WWOX: variants seen among roughly 807,000 people sequenced by gnomAD.
The protein encoded by WWOX is WW domain-containing oxidoreductase.
WWOX carries 69 observed loss-of-function variants against 46.2 expected under a neutral mutation model. The observed-to-expected ratio is 1.49, with a 90% confidence interval of 1.23 to 1.82. The LOEUF is 1.82. Among genes scored for constraint, WWOX ranks in the 40% most tolerant of loss-of-function variants. The pLI, the probability that WWOX is intolerant of heterozygous loss-of-function variation, is 0.00. For synonymous variants in WWOX, 359 were observed against 202.6 expected (o/e 1.77, Z -6.56); for missense variants, 919 against 542.6 (o/e 1.69, Z -6.89).
chr16:79,212,094 A>T lies in WWOX; in HGVS notation c.*298A>T. On this transcript the variant is annotated 3_prime_UTR_variant, in exon 9 of 9. Coordinates refer to ENST00000566780, the MANE Select transcript of WWOX (RefSeq NM_016373.4). ...AGGTTCCGTATCTCCCTGGAGAAGC[A>T]CCAGCAATTCTCTTTCTTTTACTGT... 6.5e-7 allele frequency: 1 copy of T among 1,536,120 alleles called. No individual in the cohort carries two copies. Among genetic ancestry groups the T allele is most frequent in the Non-Finnish European group, 8.7e-7 (1 of 1,146,828 alleles).
At chr16:79,002,965 A>G (rs1247969982) in intron 8 of WWOX, among the ~76,000 whole-genome samples, 1 of 152,220 alleles carries the variant, frequency 6.6e-6, no homozygotes, top group Non-Finnish European at 1.5e-5. Flanking sequence ...AAGAAAAATG[A>G]TATCGCTCAG....
intron 3 of WWOX, among the ~76,000 whole-genome samples, chr16:78,113,289 G>C (rs1327160358): frequency 2.6e-5 from 4 of 152,222 alleles, no homozygotes; most frequent in African/African-American, 9.7e-5. Context: ...CCTAGCTTGA[G>C]AGCCTCCCGT....
chr16:79,112,699 T>C, intron 8 of WWOX, among the ~76,000 whole-genome samples: 1 of 152,260 alleles, frequency 6.6e-6, no homozygotes, highest in East Asian at 1.9e-4. Flanking sequence ...CATTAATTTA[T>C]TCATAGTCGT....
At chr16:78,720,484 T>TTA (rs1555522993) in intron 8 of WWOX, among the ~76,000 whole-genome samples, 14 of 151,746 alleles carry the variant, frequency 9.2e-5, no homozygotes, top group South Asian at 2.1e-4. Flanking sequence ...CTTTTTTTTT[T>TTA]ATGACACTTT....
intron 8 of WWOX, among the ~76,000 whole-genome samples, chr16:78,888,558 T>G (rs892021593): frequency 6.6e-6 from 1 of 152,180 alleles, no homozygotes; most frequent in Non-Finnish European, 1.5e-5. Context: ...CAAAGACGGC[T>G]TTTGTTTGTT....
chr16:78,314,258 A>T (rs886429082), intron 5 of WWOX, among the ~76,000 whole-genome samples: 8 of 151,612 alleles, frequency 5.3e-5, no homozygotes, highest in African/African-American at 1.9e-4. Context: ...TACAAAAAAA[A>T]TTAGCCAGGC....
At chr16:78,325,329 T>C (rs948354213) in intron 5 of WWOX, among the ~76,000 whole-genome samples, 15 of 152,244 alleles carry the variant, frequency 9.9e-5, no homozygotes, top group African/African-American at 3.4e-4. Context: ...TTTGAAGCAA[T>C]GTTTCATTAT....
chr16:79,009,331 C>T (rs553552775), intron 8 of WWOX, among the ~76,000 whole-genome samples: 24 of 152,302 alleles, frequency 1.6e-4, no homozygotes, highest in African/African-American at 5.5e-4. Flanking sequence ...GGGGCTGCTG[C>T]TCTGCACTGC....
chr16:78,858,240 A>G (rs899729808), intron 8 of WWOX, among the ~76,000 whole-genome samples: 2 of 149,884 alleles, frequency 1.3e-5, no homozygotes, highest in Non-Finnish European at 3.0e-5. Flanking sequence ...TTTTGATTAC[A>G]TGGAGAAGTT....
At position 78,721,703 on chromosome 16, in the gene WWOX, G is replaced by A. The variant is rs182514047; in HGVS notation, c.1056+288951G>A. 5.0e-3 allele frequency among the ~76,000 whole-genome samples: 765 copies of A among 152,338 alleles called. 5 individuals carry two copies. The highest frequency in any genetic ancestry group is 0.018 in the African/African-American group (734 of 41,590). On this transcript the variant is annotated intron_variant, in intron 8 of 8. Transcript: ENST00000566780. ...CTGCCTGAGCCTCTCGGAAATATTG[G>A]CTGGCCAGTAGCATCCTCACAGAGT...
chr16:78,579,249 C>G (rs896469985), intron 8 of WWOX, among the ~76,000 whole-genome samples: 1 of 152,124 alleles, frequency 6.6e-6, no homozygotes, highest in Admixed American at 6.5e-5. Context: ...TATTACGTCA[C>G]AGTTTCGTCA....
chr16:78,786,964 A>G (rs1384361821), intron 8 of WWOX, among the ~76,000 whole-genome samples: 1 of 152,216 alleles, frequency 6.6e-6, no homozygotes, highest in African/African-American at 2.4e-5. Context: ...CCTGGGCAAC[A>G]TGATGAAACC....
chr16:78,869,151 G>C (rs2044071228), intron 8 of WWOX, among the ~76,000 whole-genome samples: 1 of 152,116 alleles, frequency 6.6e-6, no homozygotes, highest in Admixed American at 6.5e-5. Flanking sequence ...AATTAAAATT[G>C]TATATACGTT....
intron 8 of WWOX, among the ~76,000 whole-genome samples, chr16:79,158,211 C>A (rs1567588514): frequency 6.6e-6 from 1 of 151,968 alleles, no homozygotes; most frequent in Non-Finnish European, 1.5e-5. Context: ...AAAAAATTGG[C>A]CGGGAAGAAC....
At chr16:79,173,039 C>A (rs986322452) in intron 8 of WWOX, among the ~76,000 whole-genome samples, 10 of 152,118 alleles carry the variant, frequency 6.6e-5, no homozygotes, top group African/African-American at 2.4e-4. Flanking sequence ...TAAATAAATG[C>A]CTCTGTGAAT....
At position 78,115,001 on chromosome 16, in the gene WWOX, T is replaced by C. The variant is rs752318699; in HGVS notation, c.256T>C (p.Leu86=). 5 of 1,614,202 alleles carry C rather than the reference T, an allele frequency of 3.1e-6. No individual in the cohort carries two copies. The highest frequency in any genetic ancestry group is 4.2e-6 in the Non-Finnish European group (5 of 1,180,038). ...CCATATAAATAAAAGAACCACCTAC[T>C]TGGACCCAAGACTGGCGTTTACTGT... ...VDHINKRTTY[L]DPRLAFTVDD... is the part of the protein sequence containing the mutation. The change falls in exon 4 of 9, where the codon TTG becomes CTG. Residue 86 remains leucine (L), a synonymous_variant. Transcript: ENST00000566780.
intron 8 of WWOX, among the ~76,000 whole-genome samples, chr16:78,460,133 C>T (rs1041238290): frequency 3.3e-5 from 5 of 151,814 alleles, no homozygotes; most frequent in Middle Eastern, 6.8e-3. Flanking sequence ...CTCCCCTTCC[C>T]TCCCTTCCCC....
Position 78,485,144 on chromosome 16 carries a change from A to T in WWOX, c.1056+52392A>T, listed in dbSNP as rs1438141904. Among the ~76,000 whole-genome samples the T allele has an allele frequency of 3.5e-5, 5 of 143,390 alleles. No individual in the cohort carries two copies. In the South Asian group the frequency reaches 6.3e-4, roughly 18 times the overall value. The allele number at this position is 143,390 out of a possible 152,430, so 94.1% of individuals were successfully genotyped here. A position where few individuals can be genotyped will look rare whatever the true frequency, so the allele number is the denominator to read the frequency against. ...AGGGTTTAGGTTTACATGTACTTTAAAAAAAAAAATTAATAAAGTTTATTT... is the reference window on the plus strand; with the variant it reads ...AGGGTTTAGGTTTACATGTACTTTATAAAAAAAAATTAATAAAGTTTATTT... On this transcript the variant is annotated intron_variant, in intron 8 of 8. Transcript: ENST00000566780.
intron 8 of WWOX, among the ~76,000 whole-genome samples, chr16:79,159,604 G>A (rs945880190): frequency 6.6e-6 from 1 of 152,182 alleles, no homozygotes; most frequent in African/African-American, 2.4e-5. Context: ...GCTCAGGGTA[G>A]CTGATGAGTC....
Sources: allele counts gnomAD v4.1 joint callset (sites outside exome capture counted in the v4.1 genomes callset), GRCh38; gene constraint gnomAD v4.1.1; transcripts MANE v1.5; gene names NCBI Gene and HGNC (gene_info 2026-07-23, HGNC 2026-07-21).